Variants in CDH5 observed in about 807,000 individuals in gnomAD.
CDH5 encodes the protein cadherin-5.
In CDH5, 28 loss-of-function variants were observed where a neutral mutation model predicts 62.0. That is an observed-to-expected ratio of 0.45 (90% CI 0.33 to 0.62). The LOEUF (loss-of-function observed/expected upper bound fraction) is 0.62. CDH5 is among the 20% of genes least tolerant of loss of function. The probability of loss-of-function intolerance (pLI) is 0.02; values close to 1 mark genes in which losing one functional copy is unlikely to be tolerated. For synonymous variants in CDH5, 464 were observed against 445.8 expected (o/e 1.04, Z -0.52); for missense variants, 940 against 1,065.1 (o/e 0.88, Z 1.63).
intron 1 of CDH5, among the ~76,000 whole-genome samples, chr16:66,370,578 T>C (rs1960669017): frequency 6.6e-6 from 1 of 152,168 alleles, no homozygotes; most frequent in African/African-American, 2.4e-5. Flanking sequence ...AGGCAGCACG[T>C]CCAGGTCTAG....
rs757502033 is a variant in CDH5, at chr16:66,402,978, G to T, written c.2164G>T (p.Gly722Cys). The T allele has an allele frequency of 6.2e-7, 1 of 1,613,126 alleles. No individual in the cohort carries two copies. The highest frequency in any genetic ancestry group is 2.2e-5 in the East Asian group (1 of 44,838). Residue 722 changes from glycine to cysteine, a missense_variant, in exon 12 of 12, where the codon GGC becomes TGC. By Grantham distance (159) the Gly-to-Cys change is radical. Transcript: ENST00000341529. Reference protein sequence around the residue: ...KKDEADHDGDGPPYDTLHIYG... With the variant: ...KKDEADHDGDCPPYDTLHIYG... ...GGACGAGGCGGACCACGACGGCGAC[G>T]GCCCCCCCTACGACACGCTGCACAT...
Position 66,396,086 on chromosome 16 carries a change from G to T in CDH5, c.1245G>T (p.Lys415Asn), listed in dbSNP as rs1961179799. The part of the protein sequence containing the change: ...IGYSIRRTSD[K>N]GQFFRVTKKG... ...ACTCCATCCGCAGGACCAGTGACAA[G>T]GGCCAGTTCTTCCGAGTCACAAAAA... The change falls in exon 8 of 12, where the codon AAG becomes AAT. Residue 415 changes from lysine (K) to asparagine (N), a missense_variant. Physicochemically the swap from Lys to Asn is moderately conservative, Grantham distance 94. Transcript: ENST00000341529. 4 of 1,614,008 alleles carry T rather than the reference G, an allele frequency of 2.5e-6. No homozygotes were observed. Among genetic ancestry groups the T allele is most frequent in the African/African-American group, 2.7e-5 (2 of 75,046 alleles).
At chr16:66,398,410 C>G in intron 9 of CDH5, 46 bp from the exon 10 acceptor site, 1 of 1,226,020 alleles carries the variant, frequency 8.2e-7, no homozygotes, top group Non-Finnish European at 1.2e-6. Context: ...GACCACCCCA[C>G]CACCCCACCA....
At position 66,396,189 on chromosome 16, in the gene CDH5, C is replaced by T. The variant is rs1398475127; in HGVS notation, c.1348C>T (p.Leu450=). 3 of 1,614,116 alleles carry T rather than the reference C, an allele frequency of 1.9e-6. No individual in the cohort carries two copies. The highest frequency in any genetic ancestry group is 1.7e-6 in the Non-Finnish European group (2 of 1,179,994). ...TAACCTGACTGTGGAGGCCAAAGAA[C>T]TGGATTCCACTGGTGAGTGGCCACA... ...WYNLTVEAKE[L]DSTGTPTGKE... Residue 450 remains leucine, a synonymous_variant, in exon 8 of 12, where the codon CTG becomes TTG. Coordinates refer to ENST00000341529, the MANE Select transcript of CDH5 (RefSeq NM_001795.5).
chr16:66,381,907 C>A (rs1434480750), intron 2 of CDH5, among the ~76,000 whole-genome samples: 1 of 152,246 alleles, frequency 6.6e-6, no homozygotes, highest in Non-Finnish European at 1.5e-5. Flanking sequence ...TTGCTCCCTG[C>A]CCTTTACAGA....
At chr16:66,379,225 A>G (rs1356204325) in intron 1 of CDH5, 94 bp from the exon 2 acceptor site, 4 of 912,086 alleles carry the variant, frequency 4.4e-6, no homozygotes, top group Non-Finnish European at 6.8e-6. Flanking sequence ...GGCTTTTGGC[A>G]TTATATCTAG....
intron 1 of CDH5, 56 bp from the exon 2 acceptor site, chr16:66,379,263 A>G: frequency 7.8e-7 from 1 of 1,283,456 alleles, no homozygotes; most frequent in Non-Finnish European, 1.1e-6. Context: ...ACCTGTGTCT[A>G]AGTACTCCTT....
At chr16:66,378,702 T>C (rs1960827309) in intron 1 of CDH5, among the ~76,000 whole-genome samples, 1 of 152,204 alleles carries the variant, frequency 6.6e-6, no homozygotes, top group African/African-American at 2.4e-5. Context: ...CAGGCCCTCC[T>C]CTGGGCTCCC....
chr16:66,376,555 A>C (rs893362756), intron 1 of CDH5: 1 of 152,102 alleles, frequency 6.6e-6, no homozygotes, highest in African/African-American at 2.4e-5. Flanking sequence ...GGGCTCCTTT[A>C]AGGAAACCAA....
intron 7 of CDH5, 184 bp downstream of exon 7, chr16:66,392,567 C>T (rs111379992): frequency 2.0e-5 from 14 of 707,654 alleles, no homozygotes; most frequent in African/African-American, 1.2e-4. Flanking sequence ...CTTGACCTGC[C>T]TGGACTCCCC....
intron 7 of CDH5, among the ~76,000 whole-genome samples, chr16:66,395,017 T>TC (rs1265635646): frequency 9.2e-6 from 1 of 108,632 alleles, no homozygotes; most frequent in African/African-American, 3.5e-5. Flanking sequence ...ACCAGGCTAA[T>TC]CTTTTTTTTT....
intron 2 of CDH5, among the ~76,000 whole-genome samples, chr16:66,382,492 C>T (rs908998364): frequency 3.9e-5 from 6 of 152,152 alleles, no homozygotes; most frequent in African/African-American, 1.4e-4. Context: ...GTCAATCCAC[C>T]TGCATCCTTC....
At chr16:66,387,234 T>A (rs184037022) in intron 3 of CDH5, 137 bp downstream of exon 3, 142 of 787,148 alleles carry the variant, frequency 1.8e-4, no homozygotes, top group Non-Finnish European at 1.4e-4. Flanking sequence ...TGTTGCCACT[T>A]TACATGATTT....
Position 66,392,392 on chromosome 16 carries a change from G to A in CDH5, c.1217+9G>A, listed in dbSNP as rs1302048760. On this transcript the variant is annotated intron_variant, in intron 7 of 11. Transcript: ENST00000341529. Reference sequence around the variant, plus strand: ...GCTAGGCATAGCATTGGGTAAGGGGGCGTGTGTCGATGAGAATGATAAGGA... The same window carrying A: ...GCTAGGCATAGCATTGGGTAAGGGGACGTGTGTCGATGAGAATGATAAGGA... 1 of 1,613,852 alleles carries A rather than the reference G, an allele frequency of 6.2e-7. No homozygotes were observed. The highest frequency in any genetic ancestry group is 8.5e-7 in the Non-Finnish European group (1 of 1,179,916).
In CDH5 at chr16:66,403,007, C is replaced by T. The variant is rs142656556; in HGVS notation, c.2193C>T (p.Tyr731=). The T allele has an allele frequency of 2.4e-4, 395 of 1,613,322 alleles. 1 individual carries two copies. The African/African-American group carries it at 4.9e-3, about 20-fold the overall frequency. The change falls in exon 12 of 12, where the codon TAC becomes TAT. Residue 731 remains tyrosine (Y), a synonymous_variant. Transcript: ENST00000341529. The surrounding 1 kb of genome is among the most constrained non-coding windows in gnomAD (Gnocchi z 4.3). ...CCCCCTACGACACGCTGCACATCTA[C>T]GGCTACGAGGGCTCCGAGTCCATAG... ...DGPPYDTLHI[Y]GYEGSESIAE...
intron 1 of CDH5, among the ~76,000 whole-genome samples, chr16:66,369,477 C>T (rs1960646008): frequency 1.3e-5 from 2 of 152,194 alleles, no homozygotes; most frequent in Non-Finnish European, 2.9e-5. Context: ...GATAAGGAAG[C>T]TGAGGCTCAG....
intron 2 of CDH5, among the ~76,000 whole-genome samples, chr16:66,381,005 C>T (rs1008209607): frequency 5.3e-5 from 8 of 152,096 alleles, no homozygotes; most frequent in African/African-American, 1.7e-4. Context: ...TGATGAGGCT[C>T]ACCTGGCCTG....
In CDH5 at chr16:66,403,058, C is replaced by A; in HGVS notation, c.2244C>A (p.Thr748=). The A allele has an allele frequency of 6.2e-7, 1 of 1,613,412 alleles. No individual in the cohort carries two copies. Among genetic ancestry groups the A allele is most frequent in the Non-Finnish European group, 8.5e-7 (1 of 1,179,758 alleles). ...CCGAGTCCCTCAGCTCCCTGGGCAC[C>A]GACTCATCCGACTCTGACGTGGATT... ...SIAESLSSLG[T]DSSDSDVDYD... The change falls in exon 12 of 12, where the codon ACC becomes ACA. Residue 748 remains threonine, a synonymous_variant. Coordinates refer to ENST00000341529, the MANE Select transcript of CDH5 (RefSeq NM_001795.5). This position sits in a 1 kb window ranked among gnomAD's most constrained non-coding sequence, Gnocchi z 4.3.
chr16:66,372,916 C>G (rs1173175081), intron 1 of CDH5, among the ~76,000 whole-genome samples: 2 of 152,206 alleles, frequency 1.3e-5, no homozygotes, highest in African/African-American at 4.8e-5. Context: ...GGAACTGCCC[C>G]CAAACCCTCT....
Sources: gnomAD v4.1 joint callset for allele counts (sites outside exome capture counted in the v4.1 genomes callset) on GRCh38, gnomAD v4.1.1 for gene constraint, Gnocchi (gnomAD v3.1) non-coding constraint, MANE v1.5 for transcripts, NCBI Gene and HGNC (gene_info 2026-07-23, HGNC 2026-07-21) for gene names.